Variants in IGDCC4 observed in about 807,000 individuals in gnomAD.
The protein encoded by IGDCC4 is immunoglobulin superfamily DCC subclass member 4.
Under a neutral mutation model 116.6 loss-of-function variants are expected in IGDCC4, and 72 were observed. That is an observed-to-expected ratio of 0.62 (90% CI 0.51 to 0.75). The LOEUF (loss-of-function observed/expected upper bound fraction) is 0.75. Ranked by LOEUF, IGDCC4 falls within the 30% of genes least tolerant of loss-of-function variation. The probability of loss-of-function intolerance (pLI) is 0.00; values close to 1 mark genes in which losing one functional copy is unlikely to be tolerated. For missense variants in IGDCC4, 1,501 were observed against 1,662.4 expected (o/e 0.90, Z 1.69); for synonymous variants, 709 against 719.9 (o/e 0.98, Z 0.24).
intron 12 of IGDCC4, among the ~76,000 whole-genome samples, chr15:65,391,510 TGAGA>T (rs2091514860): frequency 6.6e-6 from 1 of 152,202 alleles, no homozygotes; most frequent in South Asian, 2.1e-4. Context: ...TTCTTAGACT[TGAGA>T]GATAGTCTGA....
chr15:65,385,019 G>C lies in IGDCC4; in HGVS notation c.3277C>G (p.Leu1093Val). ...TGCCCAGTTCCAGCAGGGGGCAGCA[G>C]GGCCCGGGTCAGAGCCGGCCGGGGG... ...AGPRPALTRALLPPAGTGQTL... is the reference protein window; with the variant it reads ...AGPRPALTRAVLPPAGTGQTL... The change falls in exon 19 of 20, where the codon CTG becomes GTG. Residue 1093 changes from leucine (L) to valine (V), a missense_variant. Transcript: ENST00000352385. 1.2e-6 allele frequency: 2 copies of C among 1,609,534 alleles called. No individual in the cohort carries two copies. Among genetic ancestry groups the C allele is most frequent in the Non-Finnish European group, 1.7e-6 (2 of 1,178,444 alleles).
rs773973608 is a variant in IGDCC4 at position 65,410,278 on chromosome 15, C to T, written c.463G>A (p.Glu155Lys). 5.4e-5 allele frequency: 87 copies of T among 1,613,962 alleles called. No homozygotes were observed. The highest frequency in any genetic ancestry group is 7.2e-5 in the Non-Finnish European group (85 of 1,180,032). ...FSLHPESQTVEENGTARFECH... is the reference protein window; with the variant it reads ...FSLHPESQTVKENGTARFECH... ...TCAAAGCGAGCTGTCCCGTTCTCCT[C>T]CACCGTCTGAGACTCCGGGTGCAGA... The change falls in exon 3 of 20, where the codon GAG (glutamate) becomes AAG (lysine). Residue 155 changes from glutamate to lysine, a missense_variant. This residue lies in a region of IGDCC4 where 898 missense variants were observed against 978.9 expected (regional missense o/e 0.92). Transcript: ENST00000352385.
In IGDCC4 at chr15:65,392,310, C is replaced by T. The variant is rs1157978894; in HGVS notation, c.1946G>A (p.Trp649Ter). The T allele has an allele frequency of 1.3e-6, 2 of 1,592,642 alleles. No individual in the cohort carries two copies. Among genetic ancestry groups the T allele is most frequent in the East Asian group, 2.3e-5 (1 of 44,316 alleles). Residue 649 changes from tryptophan (W) to a stop codon, truncating the protein, a stop_gained, in exon 11 of 20, where the codon TGG becomes TAG. Transcript: ENST00000352385. LOFTEE classifies it high-confidence loss of function. ...CTGGGTGGGGTGAGGGGGTGGCTGC[C>T]ATGACACGACCAGGGACTCCATCTT... ...QAKMESLVVS[W>*]QPPPHPTQIS...
intron 1 of IGDCC4, among the ~76,000 whole-genome samples, chr15:65,415,597 G>A (rs931439134): frequency 2.0e-5 from 3 of 152,236 alleles, no homozygotes; most frequent in African/African-American, 7.2e-5. Flanking sequence ...GGAAACGTCT[G>A]TGAAGCCTGA....
intron 1 of IGDCC4, among the ~76,000 whole-genome samples, chr15:65,414,981 C>T (rs995485580): frequency 2.0e-5 from 3 of 152,198 alleles, no homozygotes; most frequent in Admixed American, 2.0e-4. Context: ...CATGAGCTAC[C>T]ATGCCCGGCG....
At position 65,396,070 on chromosome 15, in the gene IGDCC4, G is replaced by A; in HGVS notation, c.1091C>T (p.Pro364Leu). ...CCCGTTGTGCAGCCAGCGCAGCGCT[G>A]GCCGCGGCTCCCCCGACGCGCGGCA... ...FVCRASGEPR[P>L]ALRWLHNGAP... The change falls in exon 7 of 20, where the codon CCA (proline) becomes CTA (leucine). Residue 364 changes from proline to leucine, a missense_variant. Around this residue, in one of 3 missense-constraint regions of IGDCC4, gnomAD observed 898 missense variants for 978.9 expected, o/e 0.92. Transcript: ENST00000352385. 7.2e-7 allele frequency: 1 copy of A among 1,392,638 alleles called. No individual in the cohort carries two copies. Among genetic ancestry groups the A allele is most frequent in the Non-Finnish European group, 9.2e-7 (1 of 1,081,208 alleles). 86.3% of individuals were successfully genotyped at this position (1,392,638 alleles called of 1,614,324 possible). A position where few individuals can be genotyped will look rare whatever the true frequency, so the allele number is the denominator to read the frequency against.
At chr15:65,410,916 G>T in intron 2 of IGDCC4, 104 bp downstream of exon 2, 2 of 865,168 alleles carry the variant, frequency 2.3e-6, no homozygotes, top group East Asian at 2.7e-5. Context: ...GGGGGAGTGG[G>T]ATCAAGAGAG....
chr15:65,397,539 C>T (rs1034134952), intron 5 of IGDCC4, among the ~76,000 whole-genome samples: 3 of 152,050 alleles, frequency 2.0e-5, no homozygotes. Context: ...CACTTCAAAA[C>T]AGATGTTAGG....
rs2140196999 is a variant in IGDCC4 at position 65,391,019 on chromosome 15, G to A, written c.2225-681C>T. ...AGGCCAAGATGGGTGGATCACCTGA[G>A]GTCGGGAGTTCAAGGCCAGCCTGGC... is the stretch of plus-strand genomic sequence containing the variant. On this transcript the variant is annotated intron_variant, in intron 12 of 19. Coordinates refer to ENST00000352385, the MANE Select transcript of IGDCC4 (RefSeq NM_020962.3). 2.6e-5 allele frequency among the ~76,000 whole-genome samples: 4 copies of A among 152,268 alleles called. No homozygotes were observed. In the Middle Eastern group the frequency reaches 0.01, roughly 388 times the overall value.
rs1226647229 is a variant in IGDCC4 at position 65,422,852 on chromosome 15, C to A, written c.11G>T (p.Gly4Val). The A allele has an allele frequency of 7.6e-6, 9 of 1,191,958 alleles. No individual in the cohort carries two copies. Among genetic ancestry groups the A allele is most frequent in the Non-Finnish European group, 9.4e-6 (9 of 959,226 alleles). The allele number at this position is 1,191,958 out of a possible 1,614,324, so 73.8% of individuals were successfully genotyped here. MAR[G>V]DAGRGRGLLA... is the part of the protein sequence containing the mutation. ...GAGCCCGCGGCCGCGGCCGGCGTCC[C>A]CCCGCGCCATGGGGCTGGGCTCGGG... is the stretch of plus-strand genomic sequence containing the variant. The change falls in exon 1 of 20, where the codon GGG becomes GTG. Residue 4 changes from glycine (G) to valine (V), a missense_variant. Transcript: ENST00000352385.
intron 4 of IGDCC4, 149 bp from the exon 5 acceptor site, chr15:65,401,095 C>T (rs1394830520): frequency 9.9e-7 from 1 of 1,014,206 alleles, no homozygotes; most frequent in African/African-American, 1.6e-5. Context: ...CCATAAAATT[C>T]AGCAGGGCTG....
In IGDCC4 at chr15:65,384,385, C is replaced by T; in HGVS notation, c.3377G>A (p.Arg1126Lys). The T allele has an allele frequency of 6.5e-7, 1 of 1,534,930 alleles. No individual in the cohort carries two copies. The highest frequency in any genetic ancestry group is 8.7e-7 in the Non-Finnish European group (1 of 1,143,096). The change falls in exon 20 of 20, where the codon AGG becomes AAG. Residue 1126 changes from arginine (R) to lysine (K), a missense_variant. Physicochemically the swap from Arg to Lys is conservative, Grantham distance 26 (BLOSUM62 2). Around this residue, in one of 3 missense-constraint regions of IGDCC4, gnomAD observed 368 missense variants for 355.6 expected, o/e 1.03. Transcript: ENST00000352385. The surrounding 1 kb of genome is among the most constrained non-coding windows in gnomAD (Gnocchi z 4.9). ...AATGACTTCAGCCTCCACCTGGTTCCTGCAGGCTGGGGGTGACTTCTTCCT... is the reference window on the plus strand; with the variant it reads ...AATGACTTCAGCCTCCACCTGGTTCTTGCAGGCTGGGGGTGACTTCTTCCT... ...NGRKKSPPAC[R>K]NQVEAEVIVH...
Position 65,422,799 on chromosome 15 carries a change from C to A in IGDCC4, c.64G>T (p.Ala22Ser). The A allele has an allele frequency of 7.6e-7, 1 of 1,320,176 alleles. No homozygotes were observed. Among genetic ancestry groups the A allele is most frequent in the Non-Finnish European group, 9.7e-7 (1 of 1,035,338 alleles). 81.8% of individuals were successfully genotyped at this position (1,320,176 alleles called of 1,614,324 possible). The change falls in exon 1 of 20, where the codon GCG becomes TCG. Residue 22 changes from alanine to serine, a missense_variant. Transcript: ENST00000352385. The part of the protein sequence containing the change: ...LLALTFCLLA[A>S]RGELLLPQET... ...TCCGGGCGCCCGCCCTTACCGCGCGCGGCCAACAGGCAGAAGGTCAACGCG... is the reference window on the plus strand; with the variant it reads ...TCCGGGCGCCCGCCCTTACCGCGCGAGGCCAACAGGCAGAAGGTCAACGCG...
intron 17 of IGDCC4, 96 bp from the exon 18 acceptor site, chr15:65,386,155 G>C: frequency 7.7e-6 from 6 of 776,134 alleles, no homozygotes; most frequent in South Asian, 1.9e-5. Flanking sequence ...GGAGGTTCCT[G>C]CCCATCTCTG....
In IGDCC4 at chr15:65,388,960, G is replaced by A. The variant is rs1457672409; in HGVS notation, c.2555C>T (p.Ser852Phe). 1 of 1,604,940 alleles carries A rather than the reference G, an allele frequency of 6.2e-7. No individual in the cohort carries two copies. Residue 852 changes from serine to phenylalanine, a missense_variant, in exon 15 of 20, where the codon TCC (serine) becomes TTC (phenylalanine). Ser to Phe is a radical substitution (Grantham distance 155, BLOSUM62 -2). Transcript: ENST00000352385. ...TGTCAGGGGGCTCAGTCGCAGGTCG[G>A]ATGGGGGTGTGGAGGGCCCTGGGGT... is the stretch of plus-strand genomic sequence containing the variant. Reference protein sequence around the residue: ...TLPDRPSTPPSDLRLSPLTPS... With the variant: ...TLPDRPSTPPFDLRLSPLTPS...
Position 65,385,214 on chromosome 15 carries a change from G to T in IGDCC4, c.3181-99C>A, listed in dbSNP as rs1446502464. 12 of 1,258,078 alleles carry T rather than the reference G, an allele frequency of 9.5e-6. No individual in the cohort carries two copies. In the East Asian group the frequency reaches 3.2e-4, roughly 33 times the overall value. The allele number at this position is 1,258,078 out of a possible 1,614,324, so 77.9% of individuals were successfully genotyped here. A position where few individuals can be genotyped will look rare whatever the true frequency, so the allele number is the denominator to read the frequency against. On this transcript the variant is annotated intron_variant, in intron 18 of 19. Coordinates refer to ENST00000352385, the MANE Select transcript of IGDCC4 (RefSeq NM_020962.3). ...AATTGGGATGGGCCGCGGGGGAGCAGGGTCCAGACTGTCACCCGCTGCTCT... is the reference window on the plus strand; with the variant it reads ...AATTGGGATGGGCCGCGGGGGAGCATGGTCCAGACTGTCACCCGCTGCTCT...
At chr15:65,394,942 TGAG>T (rs1283697808) in intron 8 of IGDCC4, 149 bp downstream of exon 8, 2 of 833,016 alleles carry the variant, frequency 2.4e-6, no homozygotes, top group Non-Finnish European at 3.6e-6. Flanking sequence ...AACTGTGAAC[TGAG>T]GAGAAGAACC....
rs760324162 is a variant in IGDCC4 at position 65,395,238 on chromosome 15, G to A, written c.1432C>T (p.Gln478Ter). The change falls in exon 8 of 20, where the codon CAG becomes TAG. Residue 478 changes from glutamine (Q) to a stop codon, truncating the protein, a stop_gained. Coordinates refer to ENST00000352385, the MANE Select transcript of IGDCC4 (RefSeq NM_020962.3). LOFTEE classifies it high-confidence loss of function. ...GTGGTGTCGTTGTTCACTGCAAACT[G>A]GTATTCCACATTGTCCATGCCTGGT... Reference protein sequence around the residue: ...KARGMDNVEYQFAVNNDTTEL... With the variant: ...KARGMDNVEY 1 of 1,613,292 alleles carries A rather than the reference G, an allele frequency of 6.2e-7. No individual in the cohort carries two copies. The highest frequency in any genetic ancestry group is 1.1e-5 in the South Asian group (1 of 91,008).
intron 16 of IGDCC4, 94 bp downstream of exon 16, chr15:65,388,355 G>A (rs1334466748): frequency 6.5e-7 from 1 of 1,546,274 alleles, no homozygotes; most frequent in Non-Finnish European, 8.8e-7. Context: ...CAAACCTGGA[G>A]GACAGCTGTG....
Sources: gnomAD v4.1 joint callset for allele counts (sites outside exome capture counted in the v4.1 genomes callset) on GRCh38, gnomAD v4.1.1 for gene constraint, gnomAD v4.1.1 regional missense constraint, Gnocchi (gnomAD v3.1) non-coding constraint, MANE v1.5 for transcripts, NCBI Gene and HGNC (gene_info 2026-07-23, HGNC 2026-07-21) for gene names.